INPP5B: variants seen among roughly 807,000 people sequenced by gnomAD.
INPP5B encodes type II inositol 1,4,5-trisphosphate 5-phosphatase.
A neutral mutation model predicts 118.5 loss-of-function variants in INPP5B; 90 were observed. The ratio of observed to expected loss-of-function variants is 0.76; its 90% CI spans 0.64 to 0.90. The LOEUF (loss-of-function observed/expected upper bound fraction) is 0.90, where lower values mean the gene tolerates loss of function less well. Among genes scored for constraint, INPP5B ranks in the 40% least tolerant of loss-of-function variants. INPP5B has a pLI of 0.00. For synonymous variants in INPP5B, 385 were observed against 418.9 expected (o/e 0.92, Z 0.99); for missense variants, 984 against 1,125.6 (o/e 0.87, Z 1.80).
Position 37,878,062 on chromosome 1 carries a change from A to C in INPP5B, c.1677+126T>G, listed in dbSNP as rs1013285400. 20 of 1,119,332 alleles carry C rather than the reference A, an allele frequency of 1.8e-5. No individual in the cohort carries two copies. In the African/African-American group the frequency reaches 2.5e-4, roughly 14 times the overall value. The allele number at this position is 1,119,332 out of a possible 1,614,324, so 69.3% of individuals were successfully genotyped here. A position where few individuals can be genotyped will look rare whatever the true frequency, so the allele number is the denominator to read the frequency against. On this transcript the variant is annotated intron_variant, in intron 16 of 23. Transcript: ENST00000373024. ...ACCAAGTTGTTAATAATTGTTTTAA[A>C]TTGTCCTAAAAGGGGCTTCTTCCCT...
At chr1:37,925,180 AT>A (rs1645184145) in intron 7 of INPP5B, among the ~76,000 whole-genome samples, 1 of 152,000 alleles carries the variant, frequency 6.6e-6, no homozygotes. Flanking sequence ...TCTCAAAAAA[AT>A]AAAATAAAAT....
intron 1 of INPP5B, among the ~76,000 whole-genome samples, 165 bp downstream of exon 1, chr1:37,946,825 A>G (rs1646126263): frequency 6.6e-6 from 1 of 151,918 alleles, no homozygotes; most frequent in Admixed American, 6.6e-5. Flanking sequence ...GAAGTGTCCC[A>G]TTGCTGCTTG....
At chr1:37,925,046 T>C (rs1645179395) in intron 7 of INPP5B, among the ~76,000 whole-genome samples, 1 of 152,094 alleles carries the variant, frequency 6.6e-6, no homozygotes, top group African/African-American at 2.4e-5. Context: ...TGTTAGCACA[T>C]GCCTGTAATC....
At chr1:37,882,115 T>C (rs1201825371) in intron 14 of INPP5B, among the ~76,000 whole-genome samples, 2 of 149,434 alleles carry the variant, frequency 1.3e-5, no homozygotes, top group Non-Finnish European at 3.0e-5. Context: ...AAAAAAAAGA[T>C]AATAGAAAGA....
At chr1:37,942,639 T>C (rs909114915) in intron 5 of INPP5B, among the ~76,000 whole-genome samples, 1 of 152,128 alleles carries the variant, frequency 6.6e-6, no homozygotes, top group African/African-American at 2.4e-5. Flanking sequence ...CCAGGTGTGG[T>C]GGCTCACGCC....
At position 37,880,177 on chromosome 1, in the gene INPP5B, G is replaced by C. The variant is rs373766336; in HGVS notation, c.1449C>G (p.Ala483=). ...TGAAGCCTTCAAAGACAGTCTTTGCGGCCACCTGAATTTTCAGCTATACAA... is the reference window on the plus strand; with the variant it reads ...TGAAGCCTTCAAAGACAGTCTTTGCCGCCACCTGAATTTTCAGCTATACAA... ...YAYDQLKIQV[A]AKTVFEGFTE... is the part of the protein sequence containing the mutation. Residue 483 remains alanine, a synonymous_variant, in exon 15 of 24, where the codon GCC becomes GCG. Coordinates refer to ENST00000373024, the MANE Select transcript of INPP5B (RefSeq NM_005540.3). 1.9e-6 allele frequency: 3 copies of C among 1,604,086 alleles called. No homozygotes were observed. In the Admixed American group the frequency reaches 5.0e-5, roughly 27 times the overall value.
chr1:37,894,639 G>C (rs900559942), intron 7 of INPP5B, among the ~76,000 whole-genome samples: 1 of 142,496 alleles, frequency 7.0e-6, no homozygotes, highest in African/African-American at 2.6e-5. Flanking sequence ...TTGGCTCTTT[G>C]CAACCTCTGC....
intron 7 of INPP5B, among the ~76,000 whole-genome samples, chr1:37,899,155 T>C (rs1412556249): frequency 1.6e-5 from 2 of 121,748 alleles, no homozygotes; most frequent in Non-Finnish European, 3.3e-5. Context: ...CACTCCAGCC[T>C]GGGCAACAAG....
chr1:37,931,740 A>T, intron 7 of INPP5B, 173 bp downstream of exon 7: 5 of 1,593,202 alleles, frequency 3.1e-6, no homozygotes, highest in Non-Finnish European at 4.3e-6. Context: ...CAAGCTCCTC[A>T]TCCCGCCGCC....
chr1:37,875,833 G>A, intron 16 of INPP5B, 117 bp from the exon 17 acceptor site: 1 of 681,618 alleles, frequency 1.5e-6, no homozygotes, highest in East Asian at 2.7e-5. Flanking sequence ...AGAAAACAAA[G>A]GCTATAGATT....
intron 13 of INPP5B, 78 bp downstream of exon 13, chr1:37,885,560 G>T: frequency 7.9e-7 from 1 of 1,258,234 alleles, no homozygotes; most frequent in Non-Finnish European, 1.1e-6. Context: ...CCACCACCAG[G>T]CATCTCCCCA....
chr1:37,870,053 T>C (rs1356345790), intron 19 of INPP5B: 4 of 151,678 alleles, frequency 2.6e-5, no homozygotes, highest in African/African-American at 9.7e-5. Flanking sequence ...AAGAATAATA[T>C]CATTGACCTA....
chr1:37,921,645 G>C (rs185529779), intron 7 of INPP5B, among the ~76,000 whole-genome samples: 4 of 152,102 alleles, frequency 2.6e-5, no homozygotes, highest in Non-Finnish European at 4.4e-5. Flanking sequence ...TCAGGAGTTC[G>C]AGACCAGTCT....
Position 37,862,207 on chromosome 1 carries a change from A to AT in INPP5B, c.*107dup, listed in dbSNP as rs1641739117. On this transcript the variant is annotated 3_prime_UTR_variant, in exon 24 of 24. Transcript: ENST00000373024. ...GTACTAGGCTCAGGAAATAGCTGCC[A>AT]TTCTTGCTACCAAGTGGCCTCACAT... The AT allele has an allele frequency of 1.4e-6, 1 of 722,790 alleles. No individual in the cohort carries two copies. Among genetic ancestry groups the AT allele is most frequent in the Non-Finnish European group, 2.5e-6 (1 of 407,940 alleles). 44.8% of individuals were successfully genotyped at this position (722,790 alleles called of 1,614,324 possible).
chr1:37,897,462 G>A (rs1266171753), intron 7 of INPP5B, among the ~76,000 whole-genome samples: 3 of 151,646 alleles, frequency 2.0e-5, no homozygotes, highest in South Asian at 2.1e-4. Context: ...TGAAACATGC[G>A]CTGTATCCAC....
At position 37,900,645 on chromosome 1, in the gene INPP5B, GAC is replaced by G. The variant is rs920381460; in HGVS notation, c.533-9193_533-9192del. 3.6e-3 allele frequency among the ~76,000 whole-genome samples: 503 copies of G among 139,656 alleles called. 6 individuals are homozygous for G. The highest frequency in any genetic ancestry group is 0.033 in the Middle Eastern group (9 of 270). 91.6% of individuals were successfully genotyped at this position (139,656 alleles called of 152,430 possible). A position where few individuals can be genotyped will look rare whatever the true frequency, so the allele number is the denominator to read the frequency against. On this transcript the variant is annotated intron_variant, in intron 7 of 23. Coordinates refer to ENST00000373024, the MANE Select transcript of INPP5B (RefSeq NM_005540.3). The stretch of plus-strand genomic sequence containing the variant: ...TTTTTTTTTTCTTTTTTTTTTTTGA[GAC>G]AGAGTCTCACTCACTCTGTCACCCA...
In INPP5B at chr1:37,916,943, T is replaced by C. The variant is rs116821672; in HGVS notation, c.532+14970A>G. Among the ~76,000 whole-genome samples, 195 of 151,900 alleles carry C rather than the reference T, an allele frequency of 1.3e-3. 3 individuals carry two copies. The highest frequency in any genetic ancestry group is 3.7e-3 in the African/African-American group (155 of 41,434). On this transcript the variant is annotated intron_variant, in intron 7 of 23. Coordinates refer to ENST00000373024, the MANE Select transcript of INPP5B (RefSeq NM_005540.3). ...ACCAGTACTGTCCAATAGAACCTTT[T>C]TGATGATGAAAATATTCTATAACTG...
At chr1:37,937,929 T>C (rs1462159323) in intron 6 of INPP5B, among the ~76,000 whole-genome samples, 2 of 149,638 alleles carry the variant, frequency 1.3e-5, no homozygotes, top group African/African-American at 4.9e-5. Context: ...GACTGTGCCA[T>C]TGCACTCCAG....
chr1:37,925,824 C>T (rs983894691), intron 7 of INPP5B, among the ~76,000 whole-genome samples: 3 of 151,906 alleles, frequency 2.0e-5, no homozygotes, highest in Non-Finnish European at 2.9e-5. Context: ...GATTAAATGG[C>T]CCAAAGAAGG....
Sources: gnomAD v4.1 joint callset for allele counts (sites outside exome capture counted in the v4.1 genomes callset) on GRCh38, gnomAD v4.1.1 for gene constraint, MANE v1.5 for transcripts, NCBI Gene and HGNC (gene_info 2026-07-23, HGNC 2026-07-21) for gene names.